Variants in SLIT2 observed in about 807,000 individuals in gnomAD.
SLIT2 encodes the protein slit homolog 2 protein.
A neutral mutation model predicts 185.7 loss-of-function variants in SLIT2; 41 were observed. The observed-to-expected ratio is 0.22, with a 90% CI of 0.17 to 0.29. The LOEUF (loss-of-function observed/expected upper bound fraction) is 0.29, where lower values mean the gene tolerates loss of function less well. Ranked by LOEUF, SLIT2 falls within the 10% of genes least tolerant of loss-of-function variation. The probability of loss-of-function intolerance (pLI) is 1.00; values close to 1 mark genes in which losing one functional copy is unlikely to be tolerated. For missense variants in SLIT2, 1,571 were observed against 1,909.0 expected (o/e 0.82, Z 3.30); for synonymous variants, 693 against 680.2 (o/e 1.02, Z -0.29).
chr4:20,324,510 A>G (rs1719387899), intron 4 of SLIT2, among the ~76,000 whole-genome samples: 1 of 152,168 alleles, frequency 6.6e-6, no homozygotes, highest in Non-Finnish European at 1.5e-5. Context: ...CAAGTCCCAA[A>G]TCATTCCTGA....
intron 8 of SLIT2, among the ~76,000 whole-genome samples, 181 bp downstream of exon 8, chr4:20,489,163 G>A (rs1717542643): frequency 6.6e-6 from 1 of 152,160 alleles, no homozygotes; most frequent in African/African-American, 2.4e-5. Flanking sequence ...TATATCGGTT[G>A]GCAAGTACTG....
At chr4:20,411,889 A>G (rs368314417) in intron 4 of SLIT2, among the ~76,000 whole-genome samples, 1 of 152,200 alleles carries the variant, frequency 6.6e-6, no homozygotes, top group South Asian at 2.1e-4. Context: ...CAGGAAAGTG[A>G]GGAAGAGAGG....
intron 4 of SLIT2, among the ~76,000 whole-genome samples, chr4:20,403,405 C>T (rs577471238): frequency 1.1e-4 from 17 of 151,956 alleles, no homozygotes; most frequent in African/African-American, 3.9e-4. Flanking sequence ...CTTTTTTGAA[C>T]CTCCGTTGCT....
chr4:20,357,347 A>G lies in SLIT2; in HGVS notation c.395+88466A>G, dbSNP rs76606027. On this transcript the variant is annotated intron_variant, in intron 4 of 36. Transcript: ENST00000504154. ...GTTAGTCCTAAGAGGCTTTAGGAAT[A>G]TAAAATGAATGTGATGTTTGATAGT... Among the ~76,000 whole-genome samples the G allele has an allele frequency of 7.4e-4, 113 of 152,304 alleles. 2 individuals carry two copies. The East Asian group carries it at 0.021, about 29-fold the overall frequency.
At chr4:20,444,118 A>G (rs1729975433) in intron 4 of SLIT2, among the ~76,000 whole-genome samples, 1 of 152,200 alleles carries the variant, frequency 6.6e-6, no homozygotes, top group African/African-American at 2.4e-5. Flanking sequence ...GGTGGAAAGA[A>G]GGAAAGGCTC....
At chr4:20,522,656 A>G (rs150955500) in intron 12 of SLIT2, among the ~76,000 whole-genome samples, 1,790 of 152,282 alleles carry the variant, frequency 0.012, 24 homozygotes, top group South Asian at 0.019. Flanking sequence ...CATAAACTAC[A>G]GTTCCACAGA....
intron 4 of SLIT2, chr4:20,392,250 A>G (rs922101003): frequency 1.3e-5 from 2 of 152,058 alleles, no homozygotes; most frequent in Non-Finnish European, 2.9e-5. Context: ...ACTGTAGGCA[A>G]TTTTAACACA....
intron 4 of SLIT2, among the ~76,000 whole-genome samples, chr4:20,301,893 T>C (rs1035660097): frequency 2.6e-5 from 4 of 152,170 alleles, no homozygotes; most frequent in Non-Finnish European, 5.9e-5. Context: ...TTCATCAGGC[T>C]CAATCATTTT....
intron 7 of SLIT2, among the ~76,000 whole-genome samples, chr4:20,488,030 A>G (rs542035058): frequency 9.8e-4 from 150 of 152,292 alleles, no homozygotes; most frequent in Non-Finnish European, 2.0e-3. Flanking sequence ...TTGAGAAAAC[A>G]TAAAAGCCAG....
Position 20,598,247 on chromosome 4 carries a change from AG to A in SLIT2, c.3562-15del, listed in dbSNP as rs758995232. On this transcript the variant is annotated splice_polypyrimidine_tract_variant and intron_variant, in intron 32 of 36. Transcript: ENST00000504154. ...GTTGCGTACACATCCTAGTAATGCC[AG>A]GGTTACTTTCTACTAGATTGCCACA... is the stretch of plus-strand genomic sequence containing the variant. The A allele has an allele frequency of 6.2e-7, 1 of 1,613,072 alleles. No homozygotes were observed. The highest frequency in any genetic ancestry group is 1.1e-5 in the South Asian group (1 of 90,974).
At chr4:20,598,815 A>C (rs1268891035) in intron 33 of SLIT2, among the ~76,000 whole-genome samples, 1 of 152,108 alleles carries the variant, frequency 6.6e-6, no homozygotes, top group African/African-American at 2.4e-5. Context: ...CAGCTTTTGA[A>C]ATACACAACC....
At chr4:20,474,472 A>G (rs886075455) in intron 5 of SLIT2, among the ~76,000 whole-genome samples, 3 of 152,052 alleles carry the variant, frequency 2.0e-5, no homozygotes, top group African/African-American at 7.2e-5. Flanking sequence ...TTCTTCAATA[A>G]TGCATTTTGT....
At position 20,472,335 on chromosome 4, in the gene SLIT2, G is replaced by GATAGAT. The variant is rs1715281552; in HGVS notation, c.467+4514_467+4515insAGATAT. 1.5e-4 allele frequency among the ~76,000 whole-genome samples: 2 copies of GATAGAT among 13,780 alleles called. 1 individual carries two copies. Among genetic ancestry groups the GATAGAT allele is most frequent in the African/African-American group, 7.2e-4 (2 of 2,774 alleles). The allele number at this position is 13,780 out of a possible 152,430, so 9.0% of individuals were successfully genotyped here. On this transcript the variant is annotated intron_variant, in intron 5 of 36. Coordinates refer to ENST00000504154, the MANE Select transcript of SLIT2 (RefSeq NM_004787.4). ...ATATAGATATATATATCTATATATA[G>GATAGAT]ATCTATATATAGATATAGATATCTA...
chr4:20,267,438 G>C (rs1713149709), intron 3 of SLIT2, among the ~76,000 whole-genome samples: 1 of 151,732 alleles, frequency 6.6e-6, no homozygotes, highest in Non-Finnish European at 1.5e-5. Flanking sequence ...TTCTTTCTGA[G>C]TTCACATAAA....
At chr4:20,358,257 C>G (rs981476416) in intron 4 of SLIT2, among the ~76,000 whole-genome samples, 5 of 152,038 alleles carry the variant, frequency 3.3e-5, no homozygotes, top group Non-Finnish European at 5.9e-5. Context: ...TGTTAGACAT[C>G]ATAGAGTGAT....
chr4:20,487,709 C>T (rs988713007), intron 7 of SLIT2, among the ~76,000 whole-genome samples: 8 of 152,154 alleles, frequency 5.3e-5, no homozygotes, highest in Non-Finnish European at 1.0e-4. Context: ...TTCTGTGGTA[C>T]GCCTTCTAGT....
At position 20,317,114 on chromosome 4, in the gene SLIT2, G is replaced by A. The variant is rs1049490936; in HGVS notation, c.395+48233G>A. Reference sequence around the variant, plus strand: ...TTTGAAGAGTTAAAGTTGTCAGATGGTTTGCTTCTGGATGCATGACATACA... The same window carrying A: ...TTTGAAGAGTTAAAGTTGTCAGATGATTTGCTTCTGGATGCATGACATACA... On this transcript the variant is annotated intron_variant, in intron 4 of 36. Coordinates refer to ENST00000504154, the MANE Select transcript of SLIT2 (RefSeq NM_004787.4). Among the ~76,000 whole-genome samples, 19 of 151,896 alleles carry A rather than the reference G, an allele frequency of 1.3e-4. 1 individual carries two copies. The highest frequency in any genetic ancestry group is 5.2e-4 in the Admixed American group (8 of 15,244).
chr4:20,256,538 T>C (rs1577329219), intron 1 of SLIT2, 134 bp from the exon 2 acceptor site: 1 of 527,980 alleles, frequency 1.9e-6, no homozygotes, highest in East Asian at 3.2e-5. Context: ...GGTTATCCTC[T>C]TCTCCTTCCT....
chr4:20,379,296 A>C (rs1211889426), intron 4 of SLIT2, among the ~76,000 whole-genome samples: 1 of 152,156 alleles, frequency 6.6e-6, no homozygotes, highest in Non-Finnish European at 1.5e-5. Flanking sequence ...AATGAACATA[A>C]ACTGCTCTAA....
Sources: allele counts gnomAD v4.1 joint callset (sites outside exome capture counted in the v4.1 genomes callset), GRCh38; gene constraint gnomAD v4.1.1; transcripts MANE v1.5; gene names NCBI Gene and HGNC (gene_info 2026-07-23, HGNC 2026-07-21).